ALDH1L2: variants seen among roughly 807,000 people sequenced by gnomAD.
ALDH1L2 encodes aldehyde dehydrogenase 1 family member L2.
Under a neutral mutation model 111.0 loss-of-function variants are expected in ALDH1L2, and 91 were observed. The ratio of observed to expected loss-of-function variants is 0.82; its 90% confidence interval spans 0.69 to 0.98. The LOEUF is 0.98. ALDH1L2 is among the 50% of genes least tolerant of loss of function. The pLI is 0.00. For missense variants in ALDH1L2, 995 were observed against 1,126.8 expected (o/e 0.88, Z 1.67); for synonymous variants, 374 against 392.6 (o/e 0.95, Z 0.56).
At chr12:105,050,137 G>T in intron 12 of ALDH1L2, 79 bp from the exon 13 acceptor site, 1 of 1,348,706 alleles carries the variant, frequency 7.4e-7, no homozygotes, top group Non-Finnish European at 9.8e-7. Flanking sequence ...TCCTAAGGAC[G>T]GAGAATTCAG....
Position 105,028,486 on chromosome 12 carries a change from C to T in ALDH1L2, c.2517-1742G>A, listed in dbSNP as rs564823460. Among the ~76,000 whole-genome samples, 6 of 152,298 alleles carry T rather than the reference C, an allele frequency of 3.9e-5. No individual in the cohort carries two copies. In the South Asian group the frequency reaches 1.2e-3, roughly 32 times the overall value. ...CAAAACTGGAGGAAAAATTCGAGTG[C>T]TGAATTTATTGAGACAGTACAGGTT... is the stretch of plus-strand genomic sequence containing the variant. On this transcript the variant is annotated intron_variant, in intron 21 of 22. Coordinates refer to ENST00000258494, the MANE Select transcript of ALDH1L2 (RefSeq NM_001034173.4).
At chr12:105,081,079 A>T (rs1419652203) in intron 1 of ALDH1L2, among the ~76,000 whole-genome samples, 1 of 152,222 alleles carries the variant, frequency 6.6e-6, no homozygotes, top group Non-Finnish European at 1.5e-5. Flanking sequence ...GATGATTTAA[A>T]GTATACAGGA....
At chr12:105,058,322 C>A (rs1876768269) in intron 9 of ALDH1L2, 102 bp from the exon 10 acceptor site, 2 of 1,202,624 alleles carry the variant, frequency 1.7e-6, no homozygotes, top group Non-Finnish European at 2.3e-6. Flanking sequence ...AGACTTACAT[C>A]ACATGCCTAT....
intron 1 of ALDH1L2, among the ~76,000 whole-genome samples, chr12:105,075,597 C>T (rs978948249): frequency 6.6e-5 from 10 of 151,672 alleles, no homozygotes; most frequent in Non-Finnish European, 1.0e-4. Flanking sequence ...ACCCCGCCCC[C>T]GCAAAAAAAG....
At chr12:105,082,266 T>C (rs996114893) in intron 1 of ALDH1L2, among the ~76,000 whole-genome samples, 5 of 152,170 alleles carry the variant, frequency 3.3e-5, no homozygotes, top group Non-Finnish European at 7.3e-5. Context: ...CTGTGAGTTT[T>C]AACAAACACA....
intron 5 of ALDH1L2, among the ~76,000 whole-genome samples, chr12:105,065,561 G>C (rs998380630): frequency 6.6e-6 from 1 of 152,228 alleles, no homozygotes; most frequent in African/African-American, 2.4e-5. Flanking sequence ...AAAAAGCAGA[G>C]GGTTATTTAA....
At position 105,030,513 on chromosome 12, in the gene ALDH1L2, AT is replaced by A. The variant is rs1356703211; in HGVS notation, c.2411-85del. Reference sequence around the variant, plus strand: ...AGTCCTCTCACTTAATTACATTATAATTTTTTCTTTCCCTCTGGCCCAGTAA... The same window carrying A: ...AGTCCTCTCACTTAATTACATTATAATTTTTCTTTCCCTCTGGCCCAGTAA... On this transcript the variant is annotated intron_variant, in intron 20 of 22. Coordinates refer to ENST00000258494, the MANE Select transcript of ALDH1L2 (RefSeq NM_001034173.4). The A allele has an allele frequency of 3.4e-6, 4 of 1,183,790 alleles. No individual in the cohort carries two copies. The African/African-American group carries it at 6.2e-5, about 18-fold the overall frequency. The allele number at this position is 1,183,790 out of a possible 1,614,324, so 73.3% of individuals were successfully genotyped here.
At position 105,022,366 on chromosome 12, in the gene ALDH1L2, G is replaced by A. The variant is rs1874206956; in HGVS notation, c.*2058C>T. 6.6e-6 allele frequency: 1 copy of A among 152,180 alleles called. No homozygotes were observed. The highest frequency in any genetic ancestry group is 1.9e-4 in the East Asian group (1 of 5,194). The allele number at this position is 152,180 out of a possible 1,614,324, so 9.4% of individuals were successfully genotyped here. ...TGGGGGTAGAAGCGGGACACAGGGAGTGTTCATAGCTTTTATCAGATTCCC... is the reference window on the plus strand; with the variant it reads ...TGGGGGTAGAAGCGGGACACAGGGAATGTTCATAGCTTTTATCAGATTCCC... On this transcript the variant is annotated 3_prime_UTR_variant, in exon 23 of 23. Transcript: ENST00000258494.
intron 19 of ALDH1L2, 25 bp downstream of exon 19, chr12:105,034,275 C>T (rs1036820756): frequency 3.1e-6 from 5 of 1,608,644 alleles, no homozygotes; most frequent in Admixed American, 3.4e-5. Context: ...CTAAACAACT[C>T]AGAGTAAATG....
At chr12:105,024,973 T>A (rs1402244083) in intron 22 of ALDH1L2, among the ~76,000 whole-genome samples, 1 of 152,242 alleles carries the variant, frequency 6.6e-6, no homozygotes, top group Non-Finnish European at 1.5e-5. Context: ...AATCATTTGG[T>A]TTAACCTTAT....
intron 19 of ALDH1L2, 113 bp from the exon 20 acceptor site, chr12:105,032,047 T>C: frequency 8.8e-7 from 1 of 1,136,380 alleles, no homozygotes; most frequent in Non-Finnish European, 1.2e-6. Flanking sequence ...ATTTAGTCTT[T>C]ACAATAGCAC....
At position 105,046,694 on chromosome 12, in the gene ALDH1L2, C is replaced by A; in HGVS notation, c.1863+16G>T. ...AGAGAGGAGGCAATTCTGCACCTGG[C>A]CCTTTGTGGCCTTACCTGTGCTGGC... On this transcript the variant is annotated intron_variant, in intron 15 of 22. Transcript: ENST00000258494. The A allele has an allele frequency of 6.2e-7, 1 of 1,608,996 alleles. No individual in the cohort carries two copies. Among genetic ancestry groups the A allele is most frequent in the East Asian group, 2.2e-5 (1 of 44,824 alleles).
chr12:105,061,806 A>G lies in ALDH1L2; in HGVS notation c.922-54T>C, dbSNP rs563656231. 7 of 1,608,552 alleles carry G rather than the reference A, an allele frequency of 4.4e-6. No individual in the cohort carries two copies. The Admixed American group carries it at 1.0e-4, about 23-fold the overall frequency. ...AAATTGAGGATTGAGACAATACAAA[A>G]GTGAGGCTGGTGGGAGGAGTCCTAT... On this transcript the variant is annotated intron_variant, in intron 7 of 22. Coordinates refer to ENST00000258494, the MANE Select transcript of ALDH1L2 (RefSeq NM_001034173.4).
intron 13 of ALDH1L2, 41 bp downstream of exon 13, chr12:105,049,867 T>A: frequency 6.3e-7 from 1 of 1,581,388 alleles, no homozygotes; most frequent in East Asian, 2.3e-5. Flanking sequence ...TAATCAATGT[T>A]AGTCCCTTTT....
chr12:105,052,288 T>C, intron 11 of ALDH1L2, 71 bp from the exon 12 acceptor site: 1 of 1,409,856 alleles, frequency 7.1e-7, no homozygotes, highest in South Asian at 1.6e-5. Flanking sequence ...TAATATTGTA[T>C]TAATAGAAAA....
At chr12:105,081,827 A>G in intron 1 of ALDH1L2, among the ~76,000 whole-genome samples, 1 of 152,202 alleles carries the variant, frequency 6.6e-6, no homozygotes, top group East Asian at 1.9e-4. Context: ...TGAAAGCTTT[A>G]TTTTTATTCA....
intron 10 of ALDH1L2, among the ~76,000 whole-genome samples, chr12:105,057,457 T>G (rs538079311): frequency 6.6e-6 from 1 of 152,310 alleles, no homozygotes; most frequent in South Asian, 2.1e-4. Context: ...AAAACTTATA[T>G]ATGAATTTTC....
chr12:105,032,029 G>A (rs1874726014), intron 19 of ALDH1L2, 95 bp from the exon 20 acceptor site: 3 of 1,291,588 alleles, frequency 2.3e-6, no homozygotes, highest in African/African-American at 1.5e-5. Flanking sequence ...GTTTATAGAT[G>A]TATTGTCATT....
At chr12:105,076,726 A>G (rs1311860262) in intron 1 of ALDH1L2, among the ~76,000 whole-genome samples, 2 of 152,202 alleles carry the variant, frequency 1.3e-5, no homozygotes, top group Non-Finnish European at 2.9e-5. Context: ...AATGTTACCT[A>G]TTATTATTAT....
Sources: allele counts gnomAD v4.1 joint callset (sites outside exome capture counted in the v4.1 genomes callset), GRCh38; gene constraint gnomAD v4.1.1; transcripts MANE v1.5; gene names NCBI Gene and HGNC (gene_info 2026-07-23, HGNC 2026-07-21).